Variants in PAPPA2 observed in about 807,000 individuals in gnomAD.
PAPPA2 encodes pappalysin 2, also known as pappalysin-2.
PAPPA2 carries 86 observed loss-of-function variants against 176.4 expected under a neutral mutation model. The ratio of observed to expected loss-of-function variants is 0.49; its 90% CI spans 0.41 to 0.58. PAPPA2 has a LOEUF of 0.58. PAPPA2 is among the 20% of genes least tolerant of loss of function. PAPPA2 has a pLI of 0.00. For missense variants in PAPPA2, 2,073 were observed against 2,256.9 expected (o/e 0.92, Z 1.65); for synonymous variants, 809 against 852.2 (o/e 0.95, Z 0.88).
intron 4 of PAPPA2, among the ~76,000 whole-genome samples, chr1:176,672,190 G>A (rs1464044819): frequency 6.6e-6 from 1 of 151,906 alleles, no homozygotes; most frequent in Non-Finnish European, 1.5e-5. Context: ...TAAACATATG[G>A]ATAAAGAGTA....
chr1:176,738,104 G>A (rs1474507221), intron 12 of PAPPA2, among the ~76,000 whole-genome samples: 3 of 152,102 alleles, frequency 2.0e-5, no homozygotes, highest in Non-Finnish European at 2.9e-5. Flanking sequence ...TGGAGCTGAG[G>A]GCATTGAATT....
intron 21 of PAPPA2, among the ~76,000 whole-genome samples, chr1:176,816,377 GCA>G (rs66557602): frequency 0.014 from 2,042 of 144,758 alleles, 41 homozygotes; most frequent in African/African-American, 0.042. Context: ...ACATCATCAC[GCA>G]CACACACACA....
chr1:176,805,345 A>C (rs1665857446), intron 21 of PAPPA2, among the ~76,000 whole-genome samples: 1 of 152,156 alleles, frequency 6.6e-6, no homozygotes, highest in Non-Finnish European at 1.5e-5. Context: ...ATTTCTTGCA[A>C]GTTCATCCTA....
chr1:176,606,433 T>C (rs547231188), intron 3 of PAPPA2, among the ~76,000 whole-genome samples: 1 of 152,304 alleles, frequency 6.6e-6, no homozygotes, highest in South Asian at 2.1e-4. Flanking sequence ...AAAACTACTA[T>C]GGGCTTAGGG....
At position 176,788,602 on chromosome 1, in the gene PAPPA2, G is replaced by T. The variant is rs376819566; in HGVS notation, c.4716-1207G>T. On this transcript the variant is annotated intron_variant, in intron 17 of 22. Coordinates refer to ENST00000367662, the MANE Select transcript of PAPPA2 (RefSeq NM_020318.3). ...GGCAAATGGAAAGCACTTTCAAACT[G>T]CAGTGAGTCAAAAGGGGAATGGAAT... Among the ~76,000 whole-genome samples the T allele has an allele frequency of 3.3e-5, 5 of 152,250 alleles. No homozygotes were observed. In the East Asian group the frequency reaches 9.7e-4, roughly 29 times the overall value.
At chr1:176,724,293 A>G (rs1219527841) in intron 12 of PAPPA2, among the ~76,000 whole-genome samples, 4 of 152,184 alleles carry the variant, frequency 2.6e-5, no homozygotes, top group Non-Finnish European at 5.9e-5. Flanking sequence ...TTTATTAAAT[A>G]CTTATTGTCA....
chr1:176,521,955 C>G (rs1649237609), intron 1 of PAPPA2, among the ~76,000 whole-genome samples: 2 of 152,042 alleles, frequency 1.3e-5, no homozygotes, highest in African/African-American at 2.4e-5. Flanking sequence ...TATCTAGGGC[C>G]TCCCTCTCCT....
At chr1:176,500,486 TAC>T (rs150969549) in intron 1 of PAPPA2, among the ~76,000 whole-genome samples, 16,590 of 148,088 alleles carry the variant, frequency 0.11, 1,338 homozygotes, top group African/African-American at 0.22. Context: ...TTTATATATA[TAC>T]ATTTATATAT....
intron 1 of PAPPA2, among the ~76,000 whole-genome samples, chr1:176,531,783 G>A (rs1203027955): frequency 1.3e-5 from 2 of 152,184 alleles, no homozygotes; most frequent in Non-Finnish European, 2.9e-5. Flanking sequence ...ATGGTAAACA[G>A]ATCAGTTAAA....
At chr1:176,730,219 C>G (rs1388560847) in intron 12 of PAPPA2, among the ~76,000 whole-genome samples, 1 of 151,876 alleles carries the variant, frequency 6.6e-6, no homozygotes, top group African/African-American at 2.4e-5. Context: ...CAAAATTTGG[C>G]AGAGCCTACC....
Position 176,842,576 on chromosome 1 carries a change from T to C in PAPPA2, c.*122T>C, listed in dbSNP as rs937914294. ...TGAAATGGAAGAAGGAGGAAGAGCA[T>C]GAAGGATCTTATAAGAAATGCAAGA... On this transcript the variant is annotated 3_prime_UTR_variant, in exon 23 of 23. Transcript: ENST00000367662. 2 of 906,330 alleles carry C rather than the reference T, an allele frequency of 2.2e-6. No homozygotes were observed. The highest frequency in any genetic ancestry group is 1.6e-5 in the South Asian group (1 of 64,246). 56.1% of individuals were successfully genotyped at this position (906,330 alleles called of 1,614,324 possible). A position where few individuals can be genotyped will look rare whatever the true frequency, so the allele number is the denominator to read the frequency against.
intron 1 of PAPPA2, among the ~76,000 whole-genome samples, chr1:176,498,751 C>CACAAAAAAAAAAAAAAAAA (rs762510082): frequency 0.019 from 2,066 of 111,360 alleles, 60 homozygotes; most frequent in South Asian, 0.059. Flanking sequence ...CTCTTACCTC[C>CACAAAAAAAAAAAAAAAAA]AAAAAAAAAA....
intron 6 of PAPPA2, 151 bp from the exon 7 acceptor site, chr1:176,695,587 C>T (rs531307317): frequency 3.4e-5 from 29 of 857,140 alleles, no homozygotes; most frequent in East Asian, 2.9e-4. Flanking sequence ...CAAGAAAAAA[C>T]GATTGAGATA....
chr1:176,477,852 A>G (rs1420062973), intron 1 of PAPPA2, among the ~76,000 whole-genome samples: 1 of 152,212 alleles, frequency 6.6e-6, no homozygotes. Flanking sequence ...AAGGGGCTCA[A>G]CCCATTATTT....
At position 176,557,163 on chromosome 1, in the gene PAPPA2, G is replaced by A; in HGVS notation, c.841G>A (p.Glu281Lys). The A allele has an allele frequency of 6.2e-7, 1 of 1,613,858 alleles. No homozygotes were observed. Among genetic ancestry groups the A allele is most frequent in the Non-Finnish European group, 8.5e-7 (1 of 1,179,942 alleles). ...RLLLRPEVLAEIPREAFTVEA... is the reference protein window; with the variant it reads ...RLLLRPEVLAKIPREAFTVEA... ...GCTGCTGCGTCCAGAAGTGCTGGCT[G>A]AGATTCCCCGGGAGGCGTTCACAGT... Residue 281 changes from glutamate (E) to lysine (K), a missense_variant, in exon 2 of 23, where the codon GAG becomes AAG. Glu to Lys is a moderately conservative substitution (Grantham distance 56, BLOSUM62 1). This residue lies in a region of PAPPA2 where 1,196 missense variants were observed against 1,330.4 expected (regional missense o/e 0.90). Transcript: ENST00000367662.
Position 176,690,423 on chromosome 1 carries a change from C to T in PAPPA2, c.2424C>T (p.Ser808=), listed in dbSNP as rs775168662. 1 of 1,614,002 alleles carries T rather than the reference C, an allele frequency of 6.2e-7. No individual in the cohort carries two copies. Among genetic ancestry groups the T allele is most frequent in the Non-Finnish European group, 8.5e-7 (1 of 1,179,894 alleles). The change falls in exon 5 of 23, where the codon AGC becomes AGT. Residue 808 remains serine (S), a synonymous_variant. Coordinates refer to ENST00000367662, the MANE Select transcript of PAPPA2 (RefSeq NM_020318.3). The stretch of plus-strand genomic sequence containing the variant: ...GGGCTCCGTTCACCAACTACATGAG[C>T]TACACGGGTATCACCACTGTCTTGT... ...FPGAPFTNYM[S]YTDDNCTDNF...
At chr1:176,810,331 TA>T (rs1337480910) in intron 21 of PAPPA2, among the ~76,000 whole-genome samples, 2 of 152,124 alleles carry the variant, frequency 1.3e-5, no homozygotes, top group Non-Finnish European at 2.9e-5. Context: ...TGGAATGGTT[TA>T]GGGGGTCCCA....
intron 3 of PAPPA2, among the ~76,000 whole-genome samples, chr1:176,608,057 TTGTGATAC>T (rs1210348518): frequency 6.6e-6 from 1 of 152,194 alleles, no homozygotes; most frequent in East Asian, 1.9e-4. Flanking sequence ...AGTATCCTGG[TTGTGATAC>T]TGTATTATAG....
In PAPPA2 at chr1:176,836,795, CAT is replaced by C. The variant is rs376109419; in HGVS notation, c.5203-3377_5203-3376del. 8.6e-5 allele frequency: 13 copies of C among 151,866 alleles called. No individual in the cohort carries two copies. The East Asian group carries it at 2.3e-3, about 27-fold the overall frequency. The allele number at this position is 151,866 out of a possible 1,614,324, so 9.4% of individuals were successfully genotyped here. A position where few individuals can be genotyped will look rare whatever the true frequency, so the allele number is the denominator to read the frequency against. On this transcript the variant is annotated intron_variant, in intron 21 of 22. Transcript: ENST00000367662. ...ATCTTGATGCTACACTGAACTATCA[CAT>C]GAGCTAAAAAAAATAAAAATAAAAA...
Sources: allele counts gnomAD v4.1 joint callset (sites outside exome capture counted in the v4.1 genomes callset), GRCh38; gene constraint gnomAD v4.1.1; regional missense constraint gnomAD v4.1.1; transcripts MANE v1.5; gene names NCBI Gene and HGNC (gene_info 2026-07-23, HGNC 2026-07-21).